ACCSL: variants seen among roughly 807,000 people sequenced by gnomAD.
ACCSL encodes the protein 1-aminocyclopropane-1-carboxylate synthase homolog (inactive) like.
Under a neutral mutation model 61.7 loss-of-function variants are expected in ACCSL, and 55 were observed. The observed-to-expected ratio is 0.89, with a 90% confidence interval of 0.72 to 1.12. The LOEUF (loss-of-function observed/expected upper bound fraction) is 1.12. Ranked by LOEUF, ACCSL falls within the 50% of genes most tolerant of loss-of-function variation. The pLI is 0.00. For missense variants in ACCSL, 632 were observed against 698.0 expected (o/e 0.91, Z 1.07); for synonymous variants, 258 against 264.3 (o/e 0.98, Z 0.23).
the ACCSL span, among the ~76,000 whole-genome samples, chr11:44,013,486 G>A: frequency 6.6e-5 from 10 of 152,204 alleles, no homozygotes; most frequent in Non-Finnish European, 1.2e-4. Flanking sequence ...GGAGGGGGGC[G>A]CTTGCCATGT....
chr11:43,941,943 C>G, the ACCSL span, among the ~76,000 whole-genome samples: 1 of 151,706 alleles, frequency 6.6e-6, no homozygotes, highest in African/African-American at 2.4e-5. Context: ...GCCCGAGGGA[C>G]TTGGGTGGGG....
chr11:44,006,198 G>A, the ACCSL span, among the ~76,000 whole-genome samples: 1 of 152,184 alleles, frequency 6.6e-6, no homozygotes, highest in Non-Finnish European at 1.5e-5. Context: ...AGACCCTTAG[G>A]GGCAGGGTGC....
At chr11:43,957,596 A>G in the ACCSL span, among the ~76,000 whole-genome samples, 3 of 152,226 alleles carry the variant, frequency 2.0e-5, no homozygotes, top group Non-Finnish European at 4.4e-5. Flanking sequence ...AATTTCCACA[A>G]CATCAGACAG....
chr11:43,977,158 G>GT, the ACCSL span, among the ~76,000 whole-genome samples: 1 of 152,172 alleles, frequency 6.6e-6, no homozygotes, highest in Non-Finnish European at 1.5e-5. Flanking sequence ...CTGGGCTTTG[G>GT]TGGCCCCATG....
At chr11:43,972,778 G>T in the ACCSL span, among the ~76,000 whole-genome samples, 1 of 152,204 alleles carries the variant, frequency 6.6e-6, no homozygotes, top group Non-Finnish European at 1.5e-5. Flanking sequence ...TATAACCCAA[G>T]CAATGACCCA....
At chr11:43,924,327 C>A in the ACCSL span, among the ~76,000 whole-genome samples, 1 of 152,240 alleles carries the variant, frequency 6.6e-6, no homozygotes, top group Non-Finnish European at 1.5e-5. Flanking sequence ...GACCTCCCGT[C>A]CCCCAGCCCT....
chr11:43,960,678 C>A, the ACCSL span, among the ~76,000 whole-genome samples: 1 of 152,190 alleles, frequency 6.6e-6, no homozygotes, highest in South Asian at 2.1e-4. Flanking sequence ...AGCTATCATG[C>A]CCAGCCTGTT....
At chr11:43,989,150 C>T in the ACCSL span, among the ~76,000 whole-genome samples, 1 of 152,214 alleles carries the variant, frequency 6.6e-6, no homozygotes, top group Non-Finnish European at 1.5e-5. Flanking sequence ...AGGCCTCAAG[C>T]TGCTGTGTGG....
chr11:43,975,874 G>A, the ACCSL span, among the ~76,000 whole-genome samples: 816 of 152,224 alleles, frequency 5.4e-3, 12 homozygotes, highest in African/African-American at 0.019. Flanking sequence ...GAGTAAGACC[G>A]AGTCTTAATC....
chr11:43,938,204 T>TG, the ACCSL span, among the ~76,000 whole-genome samples: 78 of 152,256 alleles, frequency 5.1e-4, no homozygotes, highest in East Asian at 9.5e-3. Context: ...GGAGGTTCTC[T>TG]GGGGGGGTGA....
chr11:43,973,238 T>G, the ACCSL span, among the ~76,000 whole-genome samples: 1 of 152,206 alleles, frequency 6.6e-6, no homozygotes, highest in African/African-American at 2.4e-5. Context: ...GATACAGGTT[T>G]TGTGAAATAA....
the ACCSL span, among the ~76,000 whole-genome samples, chr11:43,923,709 C>G: frequency 6.6e-6 from 1 of 152,244 alleles, no homozygotes; most frequent in East Asian, 1.9e-4. Context: ...CCTTCCCCAG[C>G]CTGTGAATAG....
chr11:44,004,906 G>A, the ACCSL span, among the ~76,000 whole-genome samples: 1 of 152,300 alleles, frequency 6.6e-6, no homozygotes, highest in African/African-American at 2.4e-5. Flanking sequence ...TTCCCATCGA[G>A]GGGATGCAAC....
the ACCSL span, chr11:43,947,175 G>A: frequency 2.0e-5 from 3 of 152,202 alleles, no homozygotes; most frequent in Non-Finnish European, 4.4e-5. Flanking sequence ...GGGAGCAAGA[G>A]GGAGGCCAGA....
the ACCSL span, among the ~76,000 whole-genome samples, chr11:43,994,559 A>T: frequency 1.3e-5 from 2 of 151,950 alleles, no homozygotes; most frequent in African/African-American, 4.8e-5. Flanking sequence ...ATTTTGATTT[A>T]GTGGGTGAGT....
chr11:43,931,760 G>T, the ACCSL span, among the ~76,000 whole-genome samples: 1 of 152,198 alleles, frequency 6.6e-6, no homozygotes, highest in African/African-American at 2.4e-5. Context: ...TCCCCTGCGC[G>T]TCCCTTTAAG....
the ACCSL span, among the ~76,000 whole-genome samples, chr11:43,932,928 G>A: frequency 6.6e-6 from 1 of 152,226 alleles, no homozygotes; most frequent in Non-Finnish European, 1.5e-5. Context: ...GGCTCTGAGA[G>A]CCAAAGTGAC....
At chr11:43,953,429 G>A in the ACCSL span, among the ~76,000 whole-genome samples, 1 of 151,342 alleles carries the variant, frequency 6.6e-6, no homozygotes, top group South Asian at 2.1e-4. Flanking sequence ...GCTGAGCCAG[G>A]AGGATTGCTT....
At chr11:44,047,154 T>G (rs1952603743), upstream of ACCSL, among the ~76,000 whole-genome samples, 1 of 152,194 alleles carries the variant, frequency 6.6e-6, no homozygotes, top group South Asian at 2.1e-4. Context: ...ATCTGTTTCC[T>G]ACCACGCCCT....
Sources: gnomAD v4.1 joint callset for allele counts (sites outside exome capture counted in the v4.1 genomes callset) on GRCh38, gnomAD v4.1.1 for gene constraint, MANE v1.5 for transcripts, NCBI Gene and HGNC (gene_info 2026-07-23, HGNC 2026-07-21) for gene names.